LGALS9: variants seen among roughly 807,000 people sequenced by gnomAD.
The protein encoded by LGALS9 is galectin 9.
Under a neutral mutation model 35.9 loss-of-function variants are expected in LGALS9, and 26 were observed. That is an observed-to-expected ratio of 0.72 (90% CI 0.53 to 1.01). LGALS9 has a LOEUF of 1.01. Ranked by LOEUF, LGALS9 falls within the 50% of genes least tolerant of loss-of-function variation. The probability of loss-of-function intolerance (pLI) is 0.00; values close to 1 mark genes in which losing one functional copy is unlikely to be tolerated. For missense variants in LGALS9, 347 were observed against 445.8 expected, an observed-to-expected ratio of 0.78 and a Z score of 1.99; for synonymous variants, 149 against 172.2, an observed-to-expected ratio of 0.87 and a Z score of 1.06.
chr17:27,634,978 C>T (rs1410938654), intron 1 of LGALS9, among the ~76,000 whole-genome samples: 4 of 152,144 alleles, frequency 2.6e-5, no homozygotes, highest in Non-Finnish European at 5.9e-5. Context: ...GTTCTGTCTT[C>T]CTCTTTTTCT....
Position 27,649,099 on chromosome 17 carries a change from A to G in LGALS9, c.*117A>G. ...CTGCCTGGGATCTGGGCTTTAATGC[A>G]GAGGCCATGTCCTTGTCTGGTCCTG... On this transcript the variant is annotated 3_prime_UTR_variant, in exon 11 of 11. Transcript: ENST00000395473. 1 of 1,504,890 alleles carries G rather than the reference A, an allele frequency of 6.6e-7. No homozygotes were observed. The highest frequency in any genetic ancestry group is 9.1e-7 in the Non-Finnish European group (1 of 1,099,436). 93.2% of individuals were successfully genotyped at this position (1,504,890 alleles called of 1,614,324 possible).
At chr17:27,641,148 A>C (rs1199412554) in intron 3 of LGALS9, 10 of 394,770 alleles carry the variant, frequency 2.5e-5, no homozygotes, top group Non-Finnish European at 4.0e-5. Context: ...TCCAGGGTCT[A>C]TTAAGGGTAT....
intron 1 of LGALS9, among the ~76,000 whole-genome samples, chr17:27,636,434 C>T (rs891119099): frequency 1.3e-5 from 2 of 152,158 alleles, no homozygotes; most frequent in African/African-American, 4.8e-5. Context: ...AGATACCATT[C>T]CATTTCAAAT....
At chr17:27,647,487 G>T (rs2151298775) in intron 10 of LGALS9, 55 bp downstream of exon 10, 1 of 1,605,158 alleles carries the variant, frequency 6.2e-7, no homozygotes, top group South Asian at 1.1e-5. Context: ...ACAGGGGGAG[G>T]GGGTAAAGGA....
At position 27,645,349 on chromosome 17, in the gene LGALS9, T is replaced by G; in HGVS notation, c.576T>G (p.Ile192Met). Residue 192 changes from isoleucine (I) to methionine (M), a missense_variant and splice_region_variant, in exon 6 of 11, where the codon ATT (isoleucine) becomes ATG (methionine). Ile to Met is a conservative substitution (Grantham distance 10, BLOSUM62 1). Coordinates refer to ENST00000395473, the MANE Select transcript of LGALS9 (RefSeq NM_009587.3). ...PGVWPANPAP[I>M]TQTVIHTVQS... is the part of the protein sequence containing the mutation. The stretch of plus-strand genomic sequence containing the variant: ...TGTGGCCTGCCAACCCGGCTCCCAT[T>G]GTAAGTCTCTTGCTTTCTTTTTGGA... 6.2e-7 allele frequency: 1 copy of G among 1,613,598 alleles called. No individual in the cohort carries two copies. The highest frequency in any genetic ancestry group is 8.5e-7 in the Non-Finnish European group (1 of 1,179,778).
Position 27,648,821 on chromosome 17 carries a change from A to C in LGALS9, c.922-15A>C. 6.2e-7 allele frequency: 1 copy of C among 1,613,482 alleles called. No individual in the cohort carries two copies. Among genetic ancestry groups the C allele is most frequent in the South Asian group, 1.1e-5 (1 of 91,046 alleles). ...ACTTCCCAAGTGTAGTGCAAACGGC[A>C]TGATCTCTGCACAGGTGTGGATCTT... is the stretch of plus-strand genomic sequence containing the variant. On this transcript the variant is annotated splice_polypyrimidine_tract_variant and intron_variant, in intron 10 of 10. Coordinates refer to ENST00000395473, the MANE Select transcript of LGALS9 (RefSeq NM_009587.3).
At chr17:27,639,325 C>A (rs981992401) in intron 2 of LGALS9, among the ~76,000 whole-genome samples, 1 of 152,040 alleles carries the variant, frequency 6.6e-6, no homozygotes, top group African/African-American at 2.4e-5. Context: ...GATCTTCCGC[C>A]CCTTCCTCTC....
intron 1 of LGALS9, among the ~76,000 whole-genome samples, chr17:27,637,256 G>A (rs868814758): frequency 3.3e-5 from 5 of 152,164 alleles, no homozygotes; most frequent in African/African-American, 9.7e-5. Flanking sequence ...CAGTGGTGAA[G>A]CATCTCCTAT....
rs528730125 is a variant in LGALS9, at chr17:27,640,695, G to A, written c.255G>A (p.Glu85=). The A allele has an allele frequency of 1.9e-6, 3 of 1,614,238 alleles. No individual in the cohort carries two copies. The highest frequency in any genetic ancestry group is 4.5e-5 in the East Asian group (2 of 44,890). The part of the protein sequence containing the change: ...NTRQNGSWGP[E]ERKTHMPFQK... ...GGCAGAACGGAAGCTGGGGGCCCGA[G>A]GAGAGGAAGACACACATGCCTTTCC... The change falls in exon 3 of 11, where the codon GAG becomes GAA. Residue 85 remains glutamate, a synonymous_variant. Coordinates refer to ENST00000395473, the MANE Select transcript of LGALS9 (RefSeq NM_009587.3).
chr17:27,643,430 C>T (rs1004751941), intron 4 of LGALS9, 95 bp from the exon 5 acceptor site: 1 of 1,571,912 alleles, frequency 6.4e-7, no homozygotes, highest in African/African-American at 1.4e-5. Context: ...CCCTGCCTGC[C>T]TGGTCTCTCC....
chr17:27,636,254 T>C (rs539473992), intron 1 of LGALS9, among the ~76,000 whole-genome samples: 7 of 152,212 alleles, frequency 4.6e-5, no homozygotes, highest in Non-Finnish European at 7.3e-5. Context: ...ACAGTGTTTC[T>C]TTTAACGTTT....
chr17:27,635,333 G>A (rs889466147), intron 1 of LGALS9, among the ~76,000 whole-genome samples: 5 of 151,976 alleles, frequency 3.3e-5, no homozygotes, highest in Non-Finnish European at 5.9e-5. Context: ...CCAGCTATTC[G>A]GGAGGTTGAG....
rs770340566 is a variant in LGALS9, at chr17:27,642,249, C to T, written c.345C>T (p.Asn115=). 54 of 1,612,812 alleles carry T rather than the reference C, an allele frequency of 3.3e-5. 1 individual carries two copies. Among genetic ancestry groups the T allele is most frequent in the Non-Finnish European group, 4.0e-5 (47 of 1,179,606 alleles). ...CTCTCCTCTGGCAGGTGATGGTGAA[C>T]GGGATCCTCTTCGTGCAGTACTTCC... ...VQSSDFKVMV[N]GILFVQYFHR... The change falls in exon 4 of 11, where the codon AAC becomes AAT. Residue 115 remains asparagine (N), a synonymous_variant. Coordinates refer to ENST00000395473, the MANE Select transcript of LGALS9 (RefSeq NM_009587.3).
Position 27,640,629 on chromosome 17 carries a change from C to A in LGALS9, c.189C>A (p.Asn63Lys). ...GAAATGACATTGCCTTCCACTTCAA[C>A]CCTCGGTTTGAAGATGGAGGGTACG... is the stretch of plus-strand genomic sequence containing the variant. ...FSGNDIAFHFNPRFEDGGYVV... is the reference protein window; with the variant it reads ...FSGNDIAFHFKPRFEDGGYVV... Residue 63 changes from asparagine (N) to lysine (K), a missense_variant, in exon 3 of 11, where the codon AAC becomes AAA. Transcript: ENST00000395473. The A allele has an allele frequency of 6.2e-7, 1 of 1,614,186 alleles. No homozygotes were observed. Among genetic ancestry groups the A allele is most frequent in the Non-Finnish European group, 8.5e-7 (1 of 1,180,006 alleles).
intron 4 of LGALS9, among the ~76,000 whole-genome samples, chr17:27,642,783 C>A (rs1904619247): frequency 1.3e-5 from 2 of 152,214 alleles, no homozygotes; most frequent in African/African-American, 2.4e-5. Context: ...GCCTGCCCCC[C>A]ATGGGTGGTT....
chr17:27,647,375 G>A lies in LGALS9; in HGVS notation c.864G>A (p.Gly288=), dbSNP rs767521508. Reference sequence around the variant, plus strand: ...ACACCCAGATCGACAACTCCTGGGGGTCTGAGGAGCGAAGTCTGCCCCGAA... The same window carrying A: ...ACACCCAGATCGACAACTCCTGGGGATCTGAGGAGCGAAGTCTGCCCCGAA... ...VRNTQIDNSW[G]SEERSLPRKM... Residue 288 remains glycine (G), a synonymous_variant, in exon 10 of 11, where the codon GGG becomes GGA. Coordinates refer to ENST00000395473, the MANE Select transcript of LGALS9 (RefSeq NM_009587.3). 1.2e-6 allele frequency: 2 copies of A among 1,614,124 alleles called. No homozygotes were observed. Among genetic ancestry groups the A allele is most frequent in the African/African-American group, 2.7e-5 (2 of 75,022 alleles).
At chr17:27,635,296 G>A (rs1370011431) in intron 1 of LGALS9, among the ~76,000 whole-genome samples, 1 of 152,024 alleles carries the variant, frequency 6.6e-6, no homozygotes, top group African/African-American at 2.4e-5. Flanking sequence ...AGATTAGTGG[G>A]ACATGGTGGC....
At chr17:27,648,210 T>C (rs951785902) in intron 10 of LGALS9, among the ~76,000 whole-genome samples, 2 of 152,262 alleles carry the variant, frequency 1.3e-5, no homozygotes, top group African/African-American at 4.8e-5. Context: ...AGCTTGGATT[T>C]TAACACAGTG....
chr17:27,641,060 C>G, intron 3 of LGALS9: 1 of 626,152 alleles, frequency 1.6e-6, no homozygotes, highest in South Asian at 1.5e-5. Flanking sequence ...AAGCTCATTC[C>G]ATTCCTCTGC....
Sources: gnomAD v4.1 joint callset for allele counts (sites outside exome capture counted in the v4.1 genomes callset) on GRCh38, gnomAD v4.1.1 for gene constraint, MANE v1.5 for transcripts, NCBI Gene and HGNC (gene_info 2026-07-23, HGNC 2026-07-21) for gene names.